The following RBFOX1 variants were observed in gnomAD, a reference collection of about 807,000 sequenced individuals.
RBFOX1 encodes the protein RNA binding fox-1 homolog 1, also known as RNA binding protein fox-1 homolog 1.
In RBFOX1, 8 loss-of-function variants were observed where a neutral mutation model predicts 57.7. The ratio of observed to expected loss-of-function variants is 0.14; its 90% CI spans 0.08 to 0.25. RBFOX1 has a LOEUF of 0.25. Ranked by LOEUF, RBFOX1 falls within the 10% of genes least tolerant of loss-of-function variation. The probability of loss-of-function intolerance (pLI) is 1.00; values close to 1 mark genes in which losing one functional copy is unlikely to be tolerated. For missense variants in RBFOX1, 611 were observed against 548.5 expected (o/e 1.11, Z -1.14); for synonymous variants, 326 against 222.4 (o/e 1.47, Z -4.15).
chr16:6,551,673 G>C (rs1170991212), intron 2 of RBFOX1, among the ~76,000 whole-genome samples: 2 of 152,138 alleles, frequency 1.3e-5, no homozygotes, highest in Non-Finnish European at 2.9e-5. Flanking sequence ...AGCTAATATA[G>C]CTACAGATAA....
chr16:7,651,133 G>C (rs1036771846), intron 11 of RBFOX1, among the ~76,000 whole-genome samples: 3 of 151,916 alleles, frequency 2.0e-5, no homozygotes, highest in Non-Finnish European at 4.4e-5. Flanking sequence ...AATCATTCTG[G>C]GTTCTACAAT....
chr16:5,318,222 A>G (rs1297293371), intron 1 of RBFOX1, among the ~76,000 whole-genome samples: 1 of 152,098 alleles, frequency 6.6e-6, no homozygotes, highest in East Asian at 1.9e-4. Context: ...TCCACCTCCC[A>G]GGTTCAAGCG....
At chr16:6,161,997 G>T (rs2096883015) in intron 1 of RBFOX1, among the ~76,000 whole-genome samples, 1 of 152,196 alleles carries the variant, frequency 6.6e-6, no homozygotes, top group Admixed American at 6.5e-5. Flanking sequence ...TTGAAAGTTG[G>T]ACTTTTTTTC....
At chr16:7,205,515 G>GAAAA (rs60458342) in intron 4 of RBFOX1, among the ~76,000 whole-genome samples, 18 of 125,644 alleles carry the variant, frequency 1.4e-4, no homozygotes, top group African/African-American at 2.0e-4. Context: ...TCTGTCTCAG[G>GAAAA]AAAAAAAAAA....
chr16:7,374,312 A>C (rs17143524), intron 4 of RBFOX1, among the ~76,000 whole-genome samples: 2 of 152,148 alleles, frequency 1.3e-5, no homozygotes, highest in Admixed American at 1.3e-4. Flanking sequence ...TGTCCTTCTT[A>C]AGGTGTTTGG....
At chr16:6,511,946 C>G (rs1367109072) in intron 2 of RBFOX1, among the ~76,000 whole-genome samples, 2 of 151,884 alleles carry the variant, frequency 1.3e-5, no homozygotes, top group Admixed American at 1.3e-4. Flanking sequence ...TCATAACAGC[C>G]AGGTCTTTCC....
intron 3 of RBFOX1, among the ~76,000 whole-genome samples, chr16:6,799,941 T>G (rs535869142): frequency 6.6e-6 from 1 of 152,124 alleles, no homozygotes; most frequent in Non-Finnish European, 1.5e-5. Flanking sequence ...GACTTCGTCT[T>G]GTGATGATGT....
chr16:7,314,284 C>A (rs1021131302), intron 4 of RBFOX1, among the ~76,000 whole-genome samples: 3 of 152,126 alleles, frequency 2.0e-5, no homozygotes. Context: ...ATTTATACAC[C>A]CCGCACCACT....
chr16:6,641,730 G>A lies in RBFOX1; in HGVS notation c.-63-12873G>A, dbSNP rs570642557. ...AGCCTGGGTGACAGAGCAGGACTCC[G>A]TCTCAAAAAAAAAAAAAAAAAAAAA... On this transcript the variant is annotated intron_variant, in intron 2 of 15. Transcript: ENST00000550418. Among the ~76,000 whole-genome samples the A allele has an allele frequency of 1.2e-4, 9 of 76,694 alleles. No homozygotes were observed. In the South Asian group the frequency reaches 3.0e-3, roughly 26 times the overall value. The allele number at this position is 76,694 out of a possible 152,430, so 50.3% of individuals were successfully genotyped here.
intron 4 of RBFOX1, among the ~76,000 whole-genome samples, chr16:5,986,831 C>T (rs999874614): frequency 3.3e-5 from 5 of 152,160 alleles, no homozygotes; most frequent in African/African-American, 1.2e-4. Context: ...TTGCTGTAAA[C>T]ATTGGTGTAC....
chr16:7,480,373 TA>T (rs2063645338), intron 4 of RBFOX1, among the ~76,000 whole-genome samples: 1 of 152,182 alleles, frequency 6.6e-6, no homozygotes, highest in African/African-American at 2.4e-5. Context: ...TTTAGAGGGT[TA>T]AGAGAGATAA....
intron 2 of RBFOX1, among the ~76,000 whole-genome samples, chr16:6,614,566 T>A (rs1332615980): frequency 3.9e-5 from 6 of 152,154 alleles, no homozygotes; most frequent in Admixed American, 3.3e-4. Flanking sequence ...ATCAGAAATG[T>A]CTTCGCCTAG....
At chr16:7,061,925 A>G (rs1200881221) in intron 4 of RBFOX1, among the ~76,000 whole-genome samples, 1 of 152,136 alleles carries the variant, frequency 6.6e-6, no homozygotes, top group Non-Finnish European at 1.5e-5. Context: ...AGTTCCCTCC[A>G]GTTGGGGGTA....
At position 7,711,742 on chromosome 16, in the gene RBFOX1, G is replaced by C. The variant is rs912574659; in HGVS notation, c.*997G>C. ...ATGAAGCTTTAGTTTTAGCCTAGTAGAACAACTGTTAGAGACAGACGTATA... is the reference window on the plus strand; with the variant it reads ...ATGAAGCTTTAGTTTTAGCCTAGTACAACAACTGTTAGAGACAGACGTATA... On this transcript the variant is annotated 3_prime_UTR_variant, in exon 16 of 16. Transcript: ENST00000550418. 1 of 152,680 alleles carries C rather than the reference G, an allele frequency of 6.5e-6. No individual in the cohort carries two copies. Among genetic ancestry groups the C allele is most frequent in the South Asian group, 2.1e-4 (1 of 4,814 alleles). The allele number at this position is 152,680 out of a possible 1,614,324, so 9.5% of individuals were successfully genotyped here.
chr16:5,403,349 C>G (rs1377136885), intron 1 of RBFOX1, among the ~76,000 whole-genome samples: 1 of 82,258 alleles, frequency 1.2e-5, no homozygotes, highest in Non-Finnish European at 2.8e-5. Context: ...AACGCTGTCT[C>G]AAAAAAAAAA....
At chr16:7,043,507 A>G (rs756465938) in intron 3 of RBFOX1, among the ~76,000 whole-genome samples, 11 of 152,224 alleles carry the variant, frequency 7.2e-5, no homozygotes, top group Non-Finnish European at 8.8e-5. Context: ...GTGCGTTTAT[A>G]GGAAAATGCC....
intron 1 of RBFOX1, among the ~76,000 whole-genome samples, chr16:6,122,343 G>C (rs1173603249): frequency 6.8e-6 from 1 of 147,394 alleles, no homozygotes; most frequent in Non-Finnish European, 1.5e-5. Context: ...ACAGAACCTT[G>C]TGTCTAAAAG....
At chr16:5,792,423 A>G (rs1269739230) in intron 3 of RBFOX1, among the ~76,000 whole-genome samples, 2 of 152,226 alleles carry the variant, frequency 1.3e-5, no homozygotes, top group African/African-American at 4.8e-5. Flanking sequence ...CTTACCTACT[A>G]ATAGCCTACC....
rs1290325075 is a variant in RBFOX1 at position 5,946,863 on chromosome 16, C to T, written c.351+79528C>T. On this transcript the variant is annotated intron_variant, in intron 4 of 19. Transcript: ENST00000641259. The surrounding 1 kb of genome is among the most constrained non-coding windows in gnomAD (Gnocchi z 4.6). The stretch of plus-strand genomic sequence containing the variant: ...GAGCATTGCTTGGTGTGAAATAAAA[C>T]CCAACACATATGAGTGTAGAGGTAT... Among the ~76,000 whole-genome samples, 1 of 152,106 alleles carries T rather than the reference C, an allele frequency of 6.6e-6. No homozygotes were observed. The highest frequency in any genetic ancestry group is 2.4e-5 in the African/African-American group (1 of 41,402).
Sources: gnomAD v4.1 joint callset for allele counts (sites outside exome capture counted in the v4.1 genomes callset) on GRCh38, gnomAD v4.1.1 for gene constraint, Gnocchi (gnomAD v3.1) non-coding constraint, MANE v1.5 for transcripts, NCBI Gene and HGNC (gene_info 2026-07-23, HGNC 2026-07-21) for gene names.